Variants in MAP3K10 observed in about 807,000 individuals in gnomAD.
The protein encoded by MAP3K10 is MKN28 derived nonreceptor_type serine/threonine kinase.
MAP3K10 carries 22 observed loss-of-function variants against 75.0 expected under a neutral mutation model. The ratio of observed to expected loss-of-function variants is 0.29; its 90% CI spans 0.21 to 0.42. The LOEUF (loss-of-function observed/expected upper bound fraction) is 0.42, where lower values mean the gene tolerates loss of function less well. MAP3K10 is among the 10% of genes least tolerant of loss of function. The probability of loss-of-function intolerance (pLI) is 1.00; values close to 1 mark genes in which losing one functional copy is unlikely to be tolerated. For missense variants in MAP3K10, 1,165 were observed against 1,379.8 expected (o/e 0.84, Z 2.47); for synonymous variants, 599 against 612.9 (o/e 0.98, Z 0.34).
At chr19:40,195,463 C>T (rs868617039) in intron 1 of MAP3K10, among the ~76,000 whole-genome samples, 5 of 136,642 alleles carry the variant, frequency 3.7e-5, no homozygotes, top group Admixed American at 2.4e-4. Flanking sequence ...CACTGAAGCC[C>T]GCCCGGCCTT....
At position 40,192,685 on chromosome 19, in the gene MAP3K10, C is replaced by G; in HGVS notation, c.654C>G (p.Ile218Met). The G allele has an allele frequency of 6.5e-7, 1 of 1,549,852 alleles. No homozygotes were observed. The highest frequency in any genetic ancestry group is 8.7e-7 in the Non-Finnish European group (1 of 1,147,022). The stretch of plus-strand genomic sequence containing the variant: ...TACACAATGATGCCCCTGTGCCCAT[C>G]ATCCACCGGGACCTCAAGTCCATCA... ...NYLHNDAPVPIIHRDLKSINI... is the reference protein window; with the variant it reads ...NYLHNDAPVPMIHRDLKSINI... The change falls in exon 1 of 10, where the codon ATC becomes ATG. Residue 218 changes from isoleucine (I) to methionine (M), a missense_variant. Transcript: ENST00000253055. This position sits in a 1 kb window ranked among gnomAD's most constrained non-coding sequence, Gnocchi z 7.1.
At position 40,191,974 on chromosome 19, in the gene MAP3K10, C is replaced by A; in HGVS notation, c.-58C>A. On this transcript the variant is annotated 5_prime_UTR_variant, in exon 1 of 10. The change creates a new upstream start codon in the 5' untranslated region. Coordinates refer to ENST00000253055, the MANE Select transcript of MAP3K10 (RefSeq NM_002446.4). Reference sequence around the variant, plus strand: ...CATCCCGGCCGCCGGGGCCCGCCCTCTGCATCCCGCGGGCAGCCTGTGTGA... The same window carrying A: ...CATCCCGGCCGCCGGGGCCCGCCCTATGCATCCCGCGGGCAGCCTGTGTGA... 1.6e-6 allele frequency: 2 copies of A among 1,244,008 alleles called. No individual in the cohort carries two copies. Among genetic ancestry groups the A allele is most frequent in the Non-Finnish European group, 2.1e-6 (2 of 942,074 alleles). The allele number at this position is 1,244,008 out of a possible 1,614,324, so 77.1% of individuals were successfully genotyped here.
chr19:40,206,581 G>A (rs1472823677), intron 5 of MAP3K10, among the ~76,000 whole-genome samples: 1 of 151,386 alleles, frequency 6.6e-6, no homozygotes, highest in Non-Finnish European at 1.5e-5. Flanking sequence ...ATCTCTAAAG[G>A]GAAGAAGAAG....
chr19:40,200,192 A>G (rs1288853393), intron 2 of MAP3K10, among the ~76,000 whole-genome samples: 1 of 152,196 alleles, frequency 6.6e-6, no homozygotes, highest in Non-Finnish European at 1.5e-5. Context: ...CTAGCTACTC[A>G]GGAGGCTGAG....
At position 40,198,684 on chromosome 19, in the gene MAP3K10, G is replaced by T; in HGVS notation, c.863+129G>T. On this transcript the variant is annotated intron_variant, in intron 2 of 9. Coordinates refer to ENST00000253055, the MANE Select transcript of MAP3K10 (RefSeq NM_002446.4). The surrounding 1 kb of genome is among the most constrained non-coding windows in gnomAD (Gnocchi z 4.3). ...TCTGACAAAGGGACCTGCTGGCAAG[G>T]TCAGGCCACCAGACAAGTGCCAGTT... 1.1e-6 allele frequency: 1 copy of T among 940,806 alleles called. No individual in the cohort carries two copies. Among genetic ancestry groups the T allele is most frequent in the Non-Finnish European group, 1.6e-6 (1 of 641,602 alleles). The allele number at this position is 940,806 out of a possible 1,614,324, so 58.3% of individuals were successfully genotyped here.
Position 40,198,367 on chromosome 19 carries a change from C to T in MAP3K10, c.683-8C>T. On this transcript the variant is annotated splice_polypyrimidine_tract_variant and splice_region_variant and intron_variant, in intron 1 of 9. Coordinates refer to ENST00000253055, the MANE Select transcript of MAP3K10 (RefSeq NM_002446.4). This position sits in a 1 kb window ranked among gnomAD's most constrained non-coding sequence, Gnocchi z 4.3. ...CTGGGGTGACCCACCTTTCTTCCCA[C>T]CCCACAGTCCTGATCCTGGAGGCCA... 1.2e-6 allele frequency: 2 copies of T among 1,604,828 alleles called. No individual in the cohort carries two copies. The highest frequency in any genetic ancestry group is 1.7e-6 in the Non-Finnish European group (2 of 1,174,326).
In MAP3K10 at chr19:40,213,878, CGTGGGCCCCGGCCTG is replaced by C. The variant is rs1973292328; in HGVS notation, c.2201_2215del (p.Val734_Leu738del). 1.1e-5 allele frequency: 16 copies of C among 1,450,924 alleles called. No individual in the cohort carries two copies. Among genetic ancestry groups the C allele is most frequent in the Non-Finnish European group, 1.4e-5 (16 of 1,109,086 alleles). 89.9% of individuals were successfully genotyped at this position (1,450,924 alleles called of 1,614,324 possible). On this transcript the variant is annotated inframe_deletion, in exon 9 of 10. Coordinates refer to ENST00000253055, the MANE Select transcript of MAP3K10 (RefSeq NM_002446.4). The surrounding 1 kb of genome is among the most constrained non-coding windows in gnomAD (Gnocchi z 5.7). ...CGCGTCCCCACGGCCGCCGCGAAGA[CGTGGGCCCCGGCCTG>C]GGCCTGGCGCCCTCGGCCACCCTCG...
chr19:40,192,509 C>G lies in MAP3K10; in HGVS notation c.478C>G (p.Leu160Val). The G allele has an allele frequency of 6.2e-7, 1 of 1,613,652 alleles. No individual in the cohort carries two copies. The highest frequency in any genetic ancestry group is 1.1e-5 in the South Asian group (1 of 91,080). ...GALQHPNIIA[L>V]RGACLNPPHL... is the part of the protein sequence containing the mutation. ...CCTGCAGCACCCCAACATAATTGCC[C>G]TTAGGGGCGCCTGCCTCAACCCCCC... The change falls in exon 1 of 10, where the codon CTT becomes GTT. Residue 160 changes from leucine to valine, a missense_variant. Physicochemically the swap from Leu to Val is conservative, Grantham distance 32. Around this residue, in one of 2 missense-constraint regions of MAP3K10, gnomAD observed 575 missense variants for 793.2 expected, o/e 0.72. Transcript: ENST00000253055. The surrounding 1 kb of genome is among the most constrained non-coding windows in gnomAD (Gnocchi z 7.1).
In MAP3K10 at chr19:40,212,591, A is replaced by G. The variant is rs1417282786; in HGVS notation, c.1553-214A>G. Among the ~76,000 whole-genome samples, 1 of 152,222 alleles carries G rather than the reference A, an allele frequency of 6.6e-6. No individual in the cohort carries two copies. Among genetic ancestry groups the G allele is most frequent in the Non-Finnish European group, 1.5e-5 (1 of 68,044 alleles). ...TGGAGGAGTTGGCAGGGAACCGCTC[A>G]TGGCCTTCAGTGCCAGGCGGAGGAG... On this transcript the variant is annotated intron_variant, in intron 6 of 9. Coordinates refer to ENST00000253055, the MANE Select transcript of MAP3K10 (RefSeq NM_002446.4). The surrounding 1 kb of genome is among the most constrained non-coding windows in gnomAD (Gnocchi z 4.2).
In MAP3K10 at chr19:40,191,587, G is replaced by GCCCCGCCAC. The variant is rs1972811838; in HGVS notation, c.-437_-429dup. On this transcript the variant is annotated 5_prime_UTR_variant, in exon 1 of 10. Transcript: ENST00000253055. ...CCGGCCCGGGGCGGCCGCCCCAGGGGCCCCGCCACCCCCGCCCGGCCCGGC... is the reference window on the plus strand; with the variant it reads ...CCGGCCCGGGGCGGCCGCCCCAGGGGCCCCGCCACCCCCGCCACCCCCGCCCGGCCCGGC... 6.8e-6 allele frequency among the ~76,000 whole-genome samples: 1 copy of GCCCCGCCAC among 147,502 alleles called. No homozygotes were observed. Among genetic ancestry groups the GCCCCGCCAC allele is most frequent in the Non-Finnish European group, 1.5e-5 (1 of 66,234 alleles).
chr19:40,199,659 G>T lies in MAP3K10; in HGVS notation c.863+1104G>T, dbSNP rs1972981006. Among the ~76,000 whole-genome samples the T allele has an allele frequency of 2.6e-5, 4 of 152,172 alleles. No homozygotes were observed. The South Asian group carries it at 8.3e-4, about 32-fold the overall frequency. On this transcript the variant is annotated intron_variant, in intron 2 of 9. Coordinates refer to ENST00000253055, the MANE Select transcript of MAP3K10 (RefSeq NM_002446.4). Reference sequence around the variant, plus strand: ...CTGTGGGTGAGGGAGTGGCCTTCAGGTTTTATTCTAATGAAGTAGGAAGCC... The same window carrying T: ...CTGTGGGTGAGGGAGTGGCCTTCAGTTTTTATTCTAATGAAGTAGGAAGCC...
At position 40,213,907 on chromosome 19, in the gene MAP3K10, C is replaced by T. The variant is rs868090133; in HGVS notation, c.2228C>T (p.Ser743Leu). 1 of 1,508,022 alleles carries T rather than the reference C, an allele frequency of 6.6e-7. No homozygotes were observed. Among genetic ancestry groups the T allele is most frequent in the Non-Finnish European group, 8.8e-7 (1 of 1,135,598 alleles). 93.4% of individuals were successfully genotyped at this position (1,508,022 alleles called of 1,614,324 possible). A position where few individuals can be genotyped will look rare whatever the true frequency, so the allele number is the denominator to read the frequency against. Residue 743 changes from serine (S) to leucine (L), a missense_variant, in exon 9 of 10, where the codon TCG becomes TTG. By Grantham distance (145) the Ser-to-Leu change is moderately radical (BLOSUM62 -2). Around this residue, in one of 2 missense-constraint regions of MAP3K10, gnomAD observed 590 missense variants for 586.6 expected, o/e 1.01. Coordinates refer to ENST00000253055, the MANE Select transcript of MAP3K10 (RefSeq NM_002446.4). This position sits in a 1 kb window ranked among gnomAD's most constrained non-coding sequence, Gnocchi z 5.7. ...GGCCCCGGCCTGGGCCTGGCGCCCT[C>T]GGCCACCCTCGTGTCGCTGTCGTCC... is the stretch of plus-strand genomic sequence containing the variant. Reference protein sequence around the residue: ...DVGPGLGLAPSATLVSLSSVS... With the variant: ...DVGPGLGLAPLATLVSLSSVS...
chr19:40,205,148 G>A lies in MAP3K10; in HGVS notation c.1040G>A (p.Arg347Gln), dbSNP rs1973094287. The change falls in exon 4 of 10, where the codon CGG (arginine) becomes CAG (glutamine). Residue 347 changes from arginine to glutamine, a missense_variant. Around this residue, in one of 2 missense-constraint regions of MAP3K10, gnomAD observed 575 missense variants for 793.2 expected, o/e 0.72. Coordinates refer to ENST00000253055, the MANE Select transcript of MAP3K10 (RefSeq NM_002446.4). The surrounding 1 kb of genome is among the most constrained non-coding windows in gnomAD (Gnocchi z 4.3). ...EECWDPDPHGRPDFGSILKRL... is the reference protein window; with the variant it reads ...EECWDPDPHGQPDFGSILKRL... ...TGCTGGGACCCAGACCCCCACGGGC[G>A]GCCAGATTTCGGTAGCATCTTGAAG... 2.5e-6 allele frequency: 4 copies of A among 1,613,518 alleles called. No individual in the cohort carries two copies. The highest frequency in any genetic ancestry group is 3.4e-6 in the Non-Finnish European group (4 of 1,180,034).
intron 1 of MAP3K10, among the ~76,000 whole-genome samples, chr19:40,197,313 CTTTGTT>C (rs1039814903): frequency 2.6e-4 from 39 of 152,126 alleles, no homozygotes; most frequent in Admixed American, 1.1e-3. Context: ...TGCACTCTGC[CTTTGTT>C]TTTGTTTTTG....
chr19:40,208,352 T>TTTTA (rs1439626735), intron 5 of MAP3K10, among the ~76,000 whole-genome samples: 30 of 95,070 alleles, frequency 3.2e-4, no homozygotes, highest in Admixed American at 2.7e-3. Context: ...TTTCTTTTTT[T>TTTTA]TTTTTTTTTT....
chr19:40,213,915 C>G lies in MAP3K10; in HGVS notation c.2236C>G (p.Leu746Val), dbSNP rs1290091696. Residue 746 changes from leucine (L) to valine (V), a missense_variant, in exon 9 of 10, where the codon CTC becomes GTC. Coordinates refer to ENST00000253055, the MANE Select transcript of MAP3K10 (RefSeq NM_002446.4). The surrounding 1 kb of genome is among the most constrained non-coding windows in gnomAD (Gnocchi z 5.7). Reference sequence around the variant, plus strand: ...CCTGGGCCTGGCGCCCTCGGCCACCCTCGTGTCGCTGTCGTCCGTGTCCGA... The same window carrying G: ...CCTGGGCCTGGCGCCCTCGGCCACCGTCGTGTCGCTGTCGTCCGTGTCCGA... ...PGLGLAPSAT[L>V]VSLSSVSDCN... 8 of 1,518,748 alleles carry G rather than the reference C, an allele frequency of 5.3e-6. No individual in the cohort carries two copies. In the African/African-American group the frequency reaches 8.6e-5, roughly 16 times the overall value. The allele number at this position is 1,518,748 out of a possible 1,614,324, so 94.1% of individuals were successfully genotyped here.
chr19:40,205,494 C>G lies in MAP3K10; in HGVS notation c.1188+198C>G, dbSNP rs1973102891. ...AAGGCACCCTGTACTGAAGTACTTA[C>G]AGGTGACACTGCATGATGTCTGGGG... On this transcript the variant is annotated intron_variant, in intron 4 of 9. Transcript: ENST00000253055. The surrounding 1 kb of genome is among the most constrained non-coding windows in gnomAD (Gnocchi z 4.3). 1 of 594,634 alleles carries G rather than the reference C, an allele frequency of 1.7e-6. No individual in the cohort carries two copies. Among genetic ancestry groups the G allele is most frequent in the African/African-American group, 1.9e-5 (1 of 53,810 alleles). The allele number at this position is 594,634 out of a possible 1,614,324, so 36.8% of individuals were successfully genotyped here.
Position 40,205,220 on chromosome 19 carries a change from A to C in MAP3K10, c.1112A>C (p.Glu371Ala). The C allele has an allele frequency of 6.2e-7, 1 of 1,614,092 alleles. No homozygotes were observed. Among genetic ancestry groups the C allele is most frequent in the Non-Finnish European group, 8.5e-7 (1 of 1,180,008 alleles). Residue 371 changes from glutamate to alanine, a missense_variant, in exon 4 of 10, where the codon GAG becomes GCG. Glu to Ala is a moderately radical substitution (Grantham distance 107). Around this residue, in one of 2 missense-constraint regions of MAP3K10, gnomAD observed 575 missense variants for 793.2 expected, o/e 0.72. Coordinates refer to ENST00000253055, the MANE Select transcript of MAP3K10 (RefSeq NM_002446.4). This position sits in a 1 kb window ranked among gnomAD's most constrained non-coding sequence, Gnocchi z 4.3. The stretch of plus-strand genomic sequence containing the variant: ...TCAGCCCTGTTCCAGATGCCACTGG[A>C]GTCCTTCCACTCGCTGCAGGAAGAC... ...EQSALFQMPLESFHSLQEDWK... is the reference protein window; with the variant it reads ...EQSALFQMPLASFHSLQEDWK...
rs147252553 is a variant in MAP3K10, at chr19:40,212,454, G to T, written c.1553-351G>T. On this transcript the variant is annotated intron_variant, in intron 6 of 9. Coordinates refer to ENST00000253055, the MANE Select transcript of MAP3K10 (RefSeq NM_002446.4). This position sits in a 1 kb window ranked among gnomAD's most constrained non-coding sequence, Gnocchi z 4.2. The stretch of plus-strand genomic sequence containing the variant: ...AGGTCCAGAGCATTGCAGGTACAGA[G>T]ATGAAGGCAGCTGACCCCCAGGGAA... Among the ~76,000 whole-genome samples, 1 of 152,068 alleles carries T rather than the reference G, an allele frequency of 6.6e-6. No homozygotes were observed. The highest frequency in any genetic ancestry group is 1.5e-5 in the Non-Finnish European group (1 of 68,036).
Sources: allele counts gnomAD v4.1 joint callset (sites outside exome capture counted in the v4.1 genomes callset), GRCh38; gene constraint gnomAD v4.1.1; regional missense constraint gnomAD v4.1.1; non-coding constraint Gnocchi (gnomAD v3.1); transcripts MANE v1.5; gene names NCBI Gene and HGNC (gene_info 2026-07-23, HGNC 2026-07-21).